Variants in CHST9 observed in about 807,000 individuals in gnomAD.
The protein encoded by CHST9 is GalNAc-4-sulfotransferase 2.
A neutral mutation model predicts 44.4 loss-of-function variants in CHST9; 41 were observed. The observed-to-expected ratio is 0.92, with a 90% CI of 0.72 to 1.20. CHST9 has a LOEUF of 1.20. Ranked by LOEUF, CHST9 falls within the 50% of genes most tolerant of loss-of-function variation. The pLI, the probability that CHST9 is intolerant of heterozygous loss-of-function variation, is 0.00. For synonymous variants in CHST9, 171 were observed against 178.4 expected, an observed-to-expected ratio of 0.96 and a Z score of 0.33; for missense variants, 504 against 516.5, an observed-to-expected ratio of 0.98 and a Z score of 0.23.
chr18:27,128,069 GA>G (rs1262055186), intron 2 of CHST9, among the ~76,000 whole-genome samples: 5 of 152,070 alleles, frequency 3.3e-5, no homozygotes, highest in Admixed American at 2.6e-4. Context: ...CAACATTAAG[GA>G]CTCATCAATT....
intron 2 of CHST9, among the ~76,000 whole-genome samples, chr18:27,081,850 T>A (rs1168930538): frequency 6.6e-6 from 1 of 152,162 alleles, no homozygotes; most frequent in Non-Finnish European, 1.5e-5. Flanking sequence ...CTGAAAATAG[T>A]CAGAATCCTG....
intron 3 of CHST9, among the ~76,000 whole-genome samples, chr18:27,039,020 G>C (rs553588659): frequency 1.8e-4 from 27 of 152,136 alleles, no homozygotes; most frequent in South Asian, 1.5e-3. Context: ...AGAAGAAAGC[G>C]ACAGAGTAAA....
intron 1 of CHST9, among the ~76,000 whole-genome samples, chr18:27,182,688 A>T (rs530366550): frequency 3.3e-5 from 5 of 152,198 alleles, no homozygotes; most frequent in African/African-American, 4.8e-5. Flanking sequence ...GAATATCTCA[A>T]ATCTTGCTTT....
rs181536061 is a variant in CHST9 at position 27,147,204 on chromosome 18, A to G, written c.-96-4299T>C. Among the ~76,000 whole-genome samples the G allele has an allele frequency of 2.6e-5, 4 of 152,124 alleles. No homozygotes were observed. The East Asian group carries it at 7.7e-4, about 29-fold the overall frequency. ...CTCAGGCTCCCCATTAGCTGTGATT[A>G]CAGGCATGCACCACCACACCCGGCT... is the stretch of plus-strand genomic sequence containing the variant. On this transcript the variant is annotated intron_variant, in intron 1 of 5. Transcript: ENST00000618847.
At chr18:27,175,604 C>T (rs1166010726) in intron 1 of CHST9, among the ~76,000 whole-genome samples, 3 of 151,938 alleles carry the variant, frequency 2.0e-5, no homozygotes, top group Admixed American at 1.3e-4. Flanking sequence ...AGCTTACAAA[C>T]TTTATTTTAT....
In CHST9 at chr18:26,911,602, A is replaced by G. The variant is rs1015812020; in HGVS notation, c.*4657T>C. 1 of 152,216 alleles carries G rather than the reference A, an allele frequency of 6.6e-6. No homozygotes were observed. The highest frequency in any genetic ancestry group is 2.4e-5 in the African/African-American group (1 of 41,452). 9.4% of individuals were successfully genotyped at this position (152,216 alleles called of 1,614,324 possible). A position where few individuals can be genotyped will look rare whatever the true frequency, so the allele number is the denominator to read the frequency against. On this transcript the variant is annotated 3_prime_UTR_variant, in exon 6 of 6. Transcript: ENST00000618847. ...AGATATATAGAGAGGGGAGCATTCCAAATATAGTGTGAGACTTGAGGAGAG... is the reference window on the plus strand; with the variant it reads ...AGATATATAGAGAGGGGAGCATTCCGAATATAGTGTGAGACTTGAGGAGAG...
intron 4 of CHST9, among the ~76,000 whole-genome samples, chr18:26,962,873 T>C (rs2056418330): frequency 6.6e-6 from 1 of 152,192 alleles, no homozygotes. Flanking sequence ...GTAGATGGTG[T>C]GTTTATGAGT....
In CHST9 at chr18:26,996,118, G is replaced by C. The variant is rs149168906; in HGVS notation, c.202+27998C>G. 2.1e-3 allele frequency among the ~76,000 whole-genome samples: 314 copies of C among 152,306 alleles called. 1 individual carries two copies. Among genetic ancestry groups the C allele is most frequent in the Non-Finnish European group, 2.6e-3 (180 of 68,028 alleles). The stretch of plus-strand genomic sequence containing the variant: ...CATGATTTGTTTCTCATGGTGCTCA[G>C]GCACCTGCCCTGTCCATCCAAGATG... On this transcript the variant is annotated intron_variant, in intron 4 of 5. Transcript: ENST00000618847.
chr18:27,159,663 G>T (rs1375129910), intron 1 of CHST9, among the ~76,000 whole-genome samples: 1 of 152,168 alleles, frequency 6.6e-6, no homozygotes, highest in Non-Finnish European at 1.5e-5. Flanking sequence ...TTGGTAGCTT[G>T]ATGGGGATGG....
intron 2 of CHST9, among the ~76,000 whole-genome samples, chr18:27,076,204 T>C (rs747705694): frequency 1.3e-5 from 2 of 152,214 alleles, no homozygotes; most frequent in Non-Finnish European, 2.9e-5. Flanking sequence ...AGGATTAAAT[T>C]CCTGAGAGTT....
At chr18:26,977,042 T>C (rs548336246) in intron 4 of CHST9, among the ~76,000 whole-genome samples, 3 of 152,294 alleles carry the variant, frequency 2.0e-5, no homozygotes, top group Admixed American at 1.3e-4. Flanking sequence ...GGCCCTTTTA[T>C]GGAATGGGAG....
At chr18:26,961,963 A>G (rs2056405538) in intron 4 of CHST9, among the ~76,000 whole-genome samples, 1 of 152,160 alleles carries the variant, frequency 6.6e-6, no homozygotes, top group Non-Finnish European at 1.5e-5. Flanking sequence ...GCGAAAGGGT[A>G]TAATCAGTCC....
intron 4 of CHST9, among the ~76,000 whole-genome samples, chr18:26,985,783 A>G (rs997016529): frequency 2.6e-5 from 4 of 152,202 alleles, no homozygotes; most frequent in African/African-American, 9.6e-5. Context: ...ACACTTACAC[A>G]AGGGTGGGAA....
intron 4 of CHST9, among the ~76,000 whole-genome samples, chr18:27,018,256 C>T (rs1171328763): frequency 6.6e-6 from 1 of 152,150 alleles, no homozygotes; most frequent in African/African-American, 2.4e-5. Flanking sequence ...AACCTTGACC[C>T]TTTAGATTAC....
intron 1 of CHST9, among the ~76,000 whole-genome samples, chr18:27,183,367 G>C (rs943349897): frequency 6.6e-6 from 1 of 151,852 alleles, no homozygotes; most frequent in East Asian, 1.9e-4. Context: ...ACATTGTGCT[G>C]TAAGTGAGTG....
chr18:27,101,888 T>C (rs2058176138), intron 2 of CHST9, among the ~76,000 whole-genome samples: 1 of 152,226 alleles, frequency 6.6e-6, no homozygotes, highest in African/African-American at 2.4e-5. Flanking sequence ...TCAGGTGTCA[T>C]TGCATTCAGA....
intron 5 of CHST9, among the ~76,000 whole-genome samples, chr18:26,939,647 T>C (rs1478894309): frequency 6.7e-6 from 1 of 149,994 alleles, no homozygotes; most frequent in African/African-American, 2.5e-5. Context: ...TCCAAGGGAC[T>C]GCTTTGGGAC....
intron 5 of CHST9, among the ~76,000 whole-genome samples, chr18:26,931,327 C>T (rs1269062184): frequency 6.6e-6 from 1 of 152,146 alleles, no homozygotes; most frequent in South Asian, 2.1e-4. Flanking sequence ...CAAGGGATAA[C>T]GACTGTCCAC....
chr18:26,986,239 TA>T (rs2056753832), intron 4 of CHST9, among the ~76,000 whole-genome samples: 1 of 152,078 alleles, frequency 6.6e-6, no homozygotes, highest in Admixed American at 6.6e-5. Flanking sequence ...AAAAGTTAAG[TA>T]AAGACATGGA....
Sources: gnomAD v4.1 joint callset for allele counts (sites outside exome capture counted in the v4.1 genomes callset) on GRCh38, gnomAD v4.1.1 for gene constraint, MANE v1.5 for transcripts, NCBI Gene and HGNC (gene_info 2026-07-23, HGNC 2026-07-21) for gene names.